PPME1: variants seen among roughly 807,000 people sequenced by gnomAD.
PPME1 encodes testicular secretory protein Li 39.
Under a neutral mutation model 56.9 loss-of-function variants are expected in PPME1, and 17 were observed. The observed-to-expected ratio is 0.30, with a 90% confidence interval of 0.20 to 0.45. The LOEUF is 0.45. Among genes scored for constraint, PPME1 ranks in the 20% least tolerant of loss-of-function variants. PPME1 has a pLI of 1.00. For synonymous variants in PPME1, 122 were observed against 156.2 expected, an observed-to-expected ratio of 0.78 and a Z score of 1.63; for missense variants, 357 against 483.2, an observed-to-expected ratio of 0.74 and a Z score of 2.45.
chr11:74,203,663 T>C lies in PPME1; in HGVS notation c.102-65T>C, dbSNP rs1228534669. On this transcript the variant is annotated intron_variant, in intron 1 of 13. Coordinates refer to ENST00000328257, the MANE Select transcript of PPME1 (RefSeq NM_016147.3). ...ATTACTGACTTACATTTAGCATTTA[T>C]TGACCAAGATTTTATCTCTTTATGC... 3 of 1,258,220 alleles carry C rather than the reference T, an allele frequency of 2.4e-6. No homozygotes were observed. The African/African-American group carries it at 4.5e-5, about 19-fold the overall frequency. The allele number at this position is 1,258,220 out of a possible 1,614,324, so 77.9% of individuals were successfully genotyped here.
At chr11:74,189,381 C>T in intron 1 of PPME1, among the ~76,000 whole-genome samples, 1 of 152,332 alleles carries the variant, frequency 6.6e-6, no homozygotes, top group African/African-American at 2.4e-5. Context: ...CCTTGACTCC[C>T]TGGGCTCAAG....
Position 74,203,745 on chromosome 11 carries a change from A to G in PPME1, c.119A>G (p.Asp40Gly). ...KMRMGPGRKR[D>G]FSPVPWSQYF... ...TTCCTCAGCCCTGGAAGAAAGCGGG[A>G]CTTTTCCCCTGTTCCTTGGAGTCAG... The change falls in exon 2 of 14, where the codon GAC (aspartate) becomes GGC (glycine). Residue 40 changes from aspartate to glycine, a missense_variant. By Grantham distance (94) the Asp-to-Gly change is moderately conservative. Coordinates refer to ENST00000328257, the MANE Select transcript of PPME1 (RefSeq NM_016147.3). 1 of 1,611,274 alleles carries G rather than the reference A, an allele frequency of 6.2e-7. No homozygotes were observed. The highest frequency in any genetic ancestry group is 8.5e-7 in the Non-Finnish European group (1 of 1,178,762).
chr11:74,198,055 T>G (rs1391702747), intron 1 of PPME1, among the ~76,000 whole-genome samples: 1 of 152,198 alleles, frequency 6.6e-6, no homozygotes, highest in Non-Finnish European at 1.5e-5. Flanking sequence ...TTTTGTTAGG[T>G]TTGAAATAAA....
chr11:74,185,972 A>G (rs1857670092), intron 1 of PPME1, among the ~76,000 whole-genome samples: 1 of 152,158 alleles, frequency 6.6e-6, no homozygotes, highest in African/African-American at 2.4e-5. Context: ...AAAGCACATC[A>G]TATATTGGGC....
At chr11:74,206,499 A>G (rs1858330128) in intron 3 of PPME1, among the ~76,000 whole-genome samples, 1 of 152,230 alleles carries the variant, frequency 6.6e-6, no homozygotes, top group African/African-American at 2.4e-5. Flanking sequence ...GGAACAATTA[A>G]AGGAACTGAA....
At position 74,244,276 on chromosome 11, in the gene PPME1, A is replaced by G. The variant is rs562562525; in HGVS notation, c.835-1800A>G. On this transcript the variant is annotated intron_variant, in intron 9 of 13. Coordinates refer to ENST00000328257, the MANE Select transcript of PPME1 (RefSeq NM_016147.3). ...TGAGATTCTGTTTTCAATTCTTTGG[A>G]TATGTACCCAGAAGTGGGATTCCTG... Among the ~76,000 whole-genome samples the G allele has an allele frequency of 3.9e-5, 6 of 152,252 alleles. No individual in the cohort carries two copies. In the East Asian group the frequency reaches 1.2e-3, roughly 29 times the overall value.
intron 3 of PPME1, among the ~76,000 whole-genome samples, chr11:74,215,201 T>C (rs959734843): frequency 4.6e-5 from 7 of 151,864 alleles, no homozygotes; most frequent in Admixed American, 3.9e-4. Context: ...ATTGACTAAG[T>C]GTAGTGGTGT....
intron 5 of PPME1, among the ~76,000 whole-genome samples, chr11:74,227,266 C>T (rs930027860): frequency 2.6e-5 from 4 of 152,188 alleles, no homozygotes; most frequent in African/African-American, 9.6e-5. Context: ...TATTTACAGG[C>T]CTCACATCTA....
At chr11:74,183,619 G>A (rs1857596649) in intron 1 of PPME1, among the ~76,000 whole-genome samples, 1 of 151,964 alleles carries the variant, frequency 6.6e-6, no homozygotes, top group Non-Finnish European at 1.5e-5. Flanking sequence ...TATAAAAAAT[G>A]TAAAATGAAT....
At chr11:74,197,706 AT>A (rs1415923604) in intron 1 of PPME1, among the ~76,000 whole-genome samples, 1 of 152,250 alleles carries the variant, frequency 6.6e-6, no homozygotes, top group African/African-American at 2.4e-5. Flanking sequence ...AGAATGCAGT[AT>A]CTCCTAATTC....
At chr11:74,184,459 A>C (rs527425280) in intron 1 of PPME1, among the ~76,000 whole-genome samples, 1 of 152,274 alleles carries the variant, frequency 6.6e-6, no homozygotes, top group South Asian at 2.1e-4. Context: ...AAGTTGGAAA[A>C]TCTCTATACT....
chr11:74,175,765 T>C (rs1285500882), intron 1 of PPME1, among the ~76,000 whole-genome samples: 1 of 152,230 alleles, frequency 6.6e-6, no homozygotes, highest in Non-Finnish European at 1.5e-5. Context: ...TCCCTTTTTA[T>C]ATTCTATGAG....
At chr11:74,247,428 T>C (rs1859530787) in intron 11 of PPME1, 1 of 245,082 alleles carries the variant, frequency 4.1e-6, no homozygotes. Flanking sequence ...ACTGTATAGG[T>C]GTATGATACT....
chr11:74,237,170 A>C (rs1719895982), intron 8 of PPME1, among the ~76,000 whole-genome samples: 1 of 152,088 alleles, frequency 6.6e-6, no homozygotes. Context: ...TTCTGTGTAA[A>C]TAGTTAAATC....
rs907030081 is a variant in PPME1, at chr11:74,230,622, T to G, written c.553+223T>G. ...CTGCATAATATTTCAATCCTATGTA[T>G]GTCCCATAATTGTATTTAATCATAT... On this transcript the variant is annotated intron_variant, in intron 6 of 13. Coordinates refer to ENST00000328257, the MANE Select transcript of PPME1 (RefSeq NM_016147.3). The surrounding 1 kb of genome is among the most constrained non-coding windows in gnomAD (Gnocchi z 4.9). Among the ~76,000 whole-genome samples the G allele has an allele frequency of 6.6e-6, 1 of 152,228 alleles. No individual in the cohort carries two copies. Among genetic ancestry groups the G allele is most frequent in the African/African-American group, 2.4e-5 (1 of 41,450 alleles).
chr11:74,203,548 T>C (rs1459046649), intron 1 of PPME1, among the ~76,000 whole-genome samples, 180 bp from the exon 2 acceptor site: 1 of 152,232 alleles, frequency 6.6e-6, no homozygotes, highest in Non-Finnish European at 1.5e-5. Context: ...TTTACATTAT[T>C]ATGTAATACA....
intron 4 of PPME1, among the ~76,000 whole-genome samples, chr11:74,224,200 A>G (rs966096041): frequency 1.2e-4 from 18 of 148,464 alleles, no homozygotes; most frequent in African/African-American, 4.6e-4. Flanking sequence ...TTAAATAGGG[A>G]ATCCTTTCCC....
Position 74,204,377 on chromosome 11 carries a change from T to C in PPME1, c.220T>C (p.Ser74Pro), listed in dbSNP as rs1434640663. The C allele has an allele frequency of 6.2e-7, 1 of 1,613,326 alleles. No homozygotes were observed. The highest frequency in any genetic ancestry group is 2.2e-5 in the East Asian group (1 of 44,870). The change falls in exon 3 of 14, where the codon TCA (serine) becomes CCA (proline). Residue 74 changes from serine to proline, a missense_variant. Coordinates refer to ENST00000328257, the MANE Select transcript of PPME1 (RefSeq NM_016147.3). ...KDTFRVYKSG[S>P]EGPVLLLLHG... is the part of the protein sequence containing the mutation. ...CACTTTTCGAGTCTACAAGAGTGGT[T>C]CAGAGGGTCCAGTCCTGCTCCTTCT...
intron 4 of PPME1, among the ~76,000 whole-genome samples, chr11:74,223,100 A>T (rs1437551731): frequency 3.1e-5 from 2 of 64,442 alleles, no homozygotes; most frequent in Non-Finnish European, 3.2e-5. Context: ...CCCTTCCCCC[A>T]CCCCACCACA....
Sources: allele counts gnomAD v4.1 joint callset (sites outside exome capture counted in the v4.1 genomes callset), GRCh38; gene constraint gnomAD v4.1.1; non-coding constraint Gnocchi (gnomAD v3.1); transcripts MANE v1.5; gene names NCBI Gene and HGNC (gene_info 2026-07-23, HGNC 2026-07-21).